The following SLC24A2 variants were observed in gnomAD, a reference collection of about 807,000 sequenced individuals.
The protein encoded by SLC24A2 is sodium/potassium/calcium exchanger 2.
A neutral mutation model predicts 62.0 loss-of-function variants in SLC24A2; 36 were observed. The observed-to-expected ratio is 0.58, with a 90% CI of 0.44 to 0.77. The LOEUF is 0.77. Among genes scored for constraint, SLC24A2 ranks in the 30% least tolerant of loss-of-function variants. The pLI is 0.00. For missense variants in SLC24A2, 846 were observed against 817.9 expected, an observed-to-expected ratio of 1.03 and a Z score of -0.42; for synonymous variants, 358 against 294.0, an observed-to-expected ratio of 1.22 and a Z score of -2.23.
At chr9:20,263,661 A>G in the SLC24A2 span, among the ~76,000 whole-genome samples, 1 of 152,136 alleles carries the variant, frequency 6.6e-6, no homozygotes, top group African/African-American at 2.4e-5. Context: ...ACCATGCACT[A>G]CATGTTTACA....
At chr9:19,942,450 T>A in the SLC24A2 span, among the ~76,000 whole-genome samples, 1 of 152,134 alleles carries the variant, frequency 6.6e-6, no homozygotes, top group African/African-American at 2.4e-5. Context: ...GATATCGAGG[T>A]CACATTTCCT....
the SLC24A2 span, among the ~76,000 whole-genome samples, chr9:20,177,882 C>A: frequency 6.6e-6 from 1 of 152,080 alleles, no homozygotes; most frequent in Non-Finnish European, 1.5e-5. Flanking sequence ...AACTGAGTCA[C>A]TGAGAAATTA....
the SLC24A2 span, among the ~76,000 whole-genome samples, chr9:19,986,091 C>A: frequency 6.6e-6 from 1 of 151,844 alleles, no homozygotes; most frequent in African/African-American, 2.4e-5. Flanking sequence ...ACAACAAGAA[C>A]AACAAAACTC....
At chr9:19,843,635 C>A in the SLC24A2 span, among the ~76,000 whole-genome samples, 5 of 152,152 alleles carry the variant, frequency 3.3e-5, no homozygotes, top group Admixed American at 6.5e-5. Flanking sequence ...AGGTAGTAAG[C>A]ACAGGGCCCA....
chr9:19,574,044 C>T (rs1306557371), intron 6 of SLC24A2, among the ~76,000 whole-genome samples: 1 of 152,158 alleles, frequency 6.6e-6, no homozygotes, highest in Non-Finnish European at 1.5e-5. Context: ...AGGCTAGTTC[C>T]CTTCTTCCTC....
chr9:20,167,108 C>G, the SLC24A2 span, among the ~76,000 whole-genome samples: 2 of 151,964 alleles, frequency 1.3e-5, no homozygotes, highest in Admixed American at 6.6e-5. Flanking sequence ...AGCCACTGCA[C>G]CCTGCAATCC....
chr9:20,103,862 G>A, the SLC24A2 span, among the ~76,000 whole-genome samples: 17 of 152,218 alleles, frequency 1.1e-4, no homozygotes, highest in East Asian at 7.7e-4. Flanking sequence ...TGACTTTGAC[G>A]AGTTGAGAGA....
At chr9:19,670,694 C>T (rs1453201257) in intron 2 of SLC24A2, among the ~76,000 whole-genome samples, 1 of 152,118 alleles carries the variant, frequency 6.6e-6, no homozygotes, top group Non-Finnish European at 1.5e-5. Context: ...CATTCCCAGG[C>T]CCATAAATAT....
intron 4 of SLC24A2, among the ~76,000 whole-genome samples, chr9:19,603,637 T>C (rs1179008077): frequency 6.6e-6 from 1 of 152,156 alleles, no homozygotes; most frequent in African/African-American, 2.4e-5. Context: ...CCTGGCCTTA[T>C]TCTGAGGCTT....
At position 19,520,882 on chromosome 9, in the gene SLC24A2, A is replaced by G. The variant is rs1219303443; in HGVS notation, c.1736+12T>C. The G allele has an allele frequency of 6.2e-7, 1 of 1,613,148 alleles. No homozygotes were observed. The highest frequency in any genetic ancestry group is 1.7e-5 in the Admixed American group (1 of 59,974). On this transcript the variant is annotated intron_variant, in intron 10 of 10. Transcript: ENST00000341998. ...AGCTGGTGCACACCTTTGTAGAACTACCTCTACTCACCCTACAGTGATGTC... is the reference window on the plus strand; with the variant it reads ...AGCTGGTGCACACCTTTGTAGAACTGCCTCTACTCACCCTACAGTGATGTC...
At chr9:19,915,273 T>C in the SLC24A2 span, among the ~76,000 whole-genome samples, 70,184 of 152,084 alleles carry the variant, frequency 0.46, 16,699 homozygotes, top group Non-Finnish European at 0.52. Context: ...TTCGTTCTTT[T>C]TTATTGCCTA....
the SLC24A2 span, among the ~76,000 whole-genome samples, chr9:20,214,911 A>C: frequency 0.14 from 20,960 of 152,208 alleles, 1,704 homozygotes; most frequent in African/African-American, 0.22. Flanking sequence ...ATTACCGTAC[A>C]GTCTCACTTA....
the SLC24A2 span, among the ~76,000 whole-genome samples, chr9:19,857,457 A>G: frequency 8.5e-5 from 13 of 152,342 alleles, no homozygotes; most frequent in South Asian, 4.1e-4. Context: ...GCCATTATTC[A>G]GTCTATCACA....
intron 2 of SLC24A2, among the ~76,000 whole-genome samples, chr9:19,626,794 T>C (rs1200476893): frequency 1.3e-5 from 2 of 152,194 alleles, no homozygotes; most frequent in Non-Finnish European, 2.9e-5. Flanking sequence ...TTTCTTTCAA[T>C]ACACTACTGT....
chr9:19,889,836 A>C, the SLC24A2 span, among the ~76,000 whole-genome samples: 1 of 152,166 alleles, frequency 6.6e-6, no homozygotes, highest in Non-Finnish European at 1.5e-5. Context: ...ATTTACACTT[A>C]GGGTTGTACT....
chr9:19,517,011 C>G (rs1832963760), intron 10 of SLC24A2, among the ~76,000 whole-genome samples: 1 of 152,172 alleles, frequency 6.6e-6, no homozygotes, highest in Admixed American at 6.5e-5. Flanking sequence ...AAGGCAGTAT[C>G]TTACATTTGT....
chr9:19,748,010 G>A (rs1704365954), intron 2 of SLC24A2, among the ~76,000 whole-genome samples: 1 of 152,236 alleles, frequency 6.6e-6, no homozygotes, highest in African/African-American at 2.4e-5. Context: ...GTGTGCTAAG[G>A]GCTGACACTC....
intron 2 of SLC24A2, among the ~76,000 whole-genome samples, chr9:19,746,293 C>T (rs77150398): frequency 8.5e-5 from 13 of 152,088 alleles, no homozygotes; most frequent in Admixed American, 2.0e-4. Flanking sequence ...CAGAGCTCTA[C>T]GTAACTCCAA....
intron 2 of SLC24A2, among the ~76,000 whole-genome samples, chr9:19,753,709 T>G (rs1405574764): frequency 6.6e-6 from 1 of 152,182 alleles, no homozygotes; most frequent in Non-Finnish European, 1.5e-5. Context: ...TTAGAATAAG[T>G]TATATTCCTT....
Sources: allele counts gnomAD v4.1 joint callset (sites outside exome capture counted in the v4.1 genomes callset), GRCh38; gene constraint gnomAD v4.1.1; transcripts MANE v1.5; gene names NCBI Gene and HGNC (gene_info 2026-07-23, HGNC 2026-07-21).